AGBL4: variants seen among roughly 807,000 people sequenced by gnomAD.
AGBL4 encodes the protein AGBL carboxypeptidase 4.
A neutral mutation model predicts 66.4 loss-of-function variants in AGBL4; 58 were observed. That is an observed-to-expected ratio of 0.87 (90% CI 0.71 to 1.09). AGBL4 has a LOEUF of 1.09. Among genes scored for constraint, AGBL4 ranks in the 50% least tolerant of loss-of-function variants. The pLI is 0.00. For missense variants in AGBL4, 579 were observed against 631.0 expected (o/e 0.92, Z 0.88); for synonymous variants, 234 against 222.9 (o/e 1.05, Z -0.44).
intron 3 of AGBL4, among the ~76,000 whole-genome samples, chr1:49,253,171 G>A (rs1329518705): frequency 1.3e-5 from 2 of 152,044 alleles, no homozygotes; most frequent in Non-Finnish European, 2.9e-5. Flanking sequence ...CATCTCACAA[G>A]CAATAACACA....
At chr1:49,354,223 T>C (rs908001778) in intron 3 of AGBL4, among the ~76,000 whole-genome samples, 2 of 152,256 alleles carry the variant, frequency 1.3e-5, no homozygotes, top group African/African-American at 4.8e-5. Context: ...GAGCAAGCAG[T>C]GTCTGAATAA....
intron 3 of AGBL4, among the ~76,000 whole-genome samples, chr1:49,579,689 CG>C (rs1449474611): frequency 2.0e-5 from 3 of 152,040 alleles, no homozygotes. Flanking sequence ...TTAGTAGAGA[CG>C]GGGTTTCACC....
At chr1:49,752,687 A>G (rs1470000921) in intron 2 of AGBL4, among the ~76,000 whole-genome samples, 1 of 152,072 alleles carries the variant, frequency 6.6e-6, no homozygotes, top group East Asian at 1.9e-4. Context: ...TCTCACTATT[A>G]TTGTGTGGTA....
At chr1:49,213,915 C>G (rs1253490665) in intron 4 of AGBL4, among the ~76,000 whole-genome samples, 2 of 152,118 alleles carry the variant, frequency 1.3e-5, no homozygotes, top group Non-Finnish European at 2.9e-5. Context: ...CCATAGCAGA[C>G]AGTTCCTGTG....
chr1:48,671,352 C>G (rs760660353), intron 6 of AGBL4, among the ~76,000 whole-genome samples: 1 of 152,252 alleles, frequency 6.6e-6, no homozygotes, highest in Non-Finnish European at 1.5e-5. Flanking sequence ...TCTGAGAAGT[C>G]AGACACTGTC....
intron 3 of AGBL4, among the ~76,000 whole-genome samples, chr1:49,333,230 A>C (rs12408156): frequency 0.44 from 66,489 of 152,046 alleles, 17,089 homozygotes; most frequent in Non-Finnish European, 0.58. Context: ...CTGTAATCCC[A>C]GTACTTTGGG....
intron 5 of AGBL4, among the ~76,000 whole-genome samples, chr1:48,953,547 G>A (rs1657176328): frequency 6.6e-6 from 1 of 152,184 alleles, no homozygotes; most frequent in Non-Finnish European, 1.5e-5. Context: ...AAGGACTCAT[G>A]AAGAAGAGTA....
At chr1:49,879,632 A>G (rs955043728) in intron 1 of AGBL4, among the ~76,000 whole-genome samples, 113 of 146,406 alleles carry the variant, frequency 7.7e-4, no homozygotes, top group Non-Finnish European at 1.4e-3. Flanking sequence ...TCTGACAATT[A>G]TGTGTCTTGG....
chr1:49,468,893 C>T (rs1193329749), intron 3 of AGBL4, among the ~76,000 whole-genome samples: 2 of 151,782 alleles, frequency 1.3e-5, no homozygotes, highest in Non-Finnish European at 2.9e-5. Context: ...TGTACACGTA[C>T]ATTTGTGAAA....
intron 5 of AGBL4, among the ~76,000 whole-genome samples, chr1:48,962,460 A>C (rs1658080135): frequency 6.6e-6 from 1 of 152,192 alleles, no homozygotes; most frequent in African/African-American, 2.4e-5. Context: ...GCTATGACTC[A>C]CAGGGACACG....
At chr1:49,170,447 T>G (rs1281546754) in intron 4 of AGBL4, among the ~76,000 whole-genome samples, 1 of 142,970 alleles carries the variant, frequency 7.0e-6, no homozygotes, top group Non-Finnish European at 1.5e-5. Context: ...AATATATATG[T>G]TTATATAATA....
At chr1:48,539,867 GCTGT>G (rs1405973255) in intron 11 of AGBL4, 129 bp from the exon 12 acceptor site, 2 of 535,796 alleles carry the variant, frequency 3.7e-6, no homozygotes, top group Non-Finnish European at 6.0e-6. Flanking sequence ...TTTTGTATGC[GCTGT>G]CTTTTTTGAT....
intron 9 of AGBL4, among the ~76,000 whole-genome samples, chr1:48,598,170 A>G (rs903993222): frequency 4.6e-5 from 7 of 152,212 alleles, no homozygotes; most frequent in Admixed American, 2.0e-4. Context: ...TATCCTATGT[A>G]CAGTAGAAAG....
intron 2 of AGBL4, among the ~76,000 whole-genome samples, chr1:49,720,176 G>C (rs112317791): frequency 6.6e-6 from 1 of 151,338 alleles, no homozygotes; most frequent in African/African-American, 2.5e-5. Flanking sequence ...ATATAAAAAT[G>C]CAAAATCCAA....
At chr1:49,989,834 A>G (rs1482150972) in intron 1 of AGBL4, among the ~76,000 whole-genome samples, 1 of 152,190 alleles carries the variant, frequency 6.6e-6, no homozygotes, top group East Asian at 1.9e-4. Flanking sequence ...TTATTTCCTT[A>G]CAGATACCAC....
intron 5 of AGBL4, among the ~76,000 whole-genome samples, chr1:49,011,978 A>G (rs373906423): frequency 1.3e-5 from 2 of 151,602 alleles, no homozygotes; most frequent in Non-Finnish European, 1.5e-5. Flanking sequence ...ACATATATAC[A>G]TATGTAATTA....
intron 9 of AGBL4, among the ~76,000 whole-genome samples, chr1:48,604,435 C>A (rs571070307): frequency 1.3e-5 from 2 of 152,162 alleles, no homozygotes; most frequent in South Asian, 4.1e-4. Context: ...TTGATTTTTT[C>A]TAAATATGGC....
chr1:48,888,349 G>C (rs1250365492), intron 5 of AGBL4, among the ~76,000 whole-genome samples: 1 of 152,058 alleles, frequency 6.6e-6, no homozygotes, highest in Non-Finnish European at 1.5e-5. Context: ...TCCAGCTCTG[G>C]GTATCCTTCT....
At chr1:49,388,595 T>G (rs114401165) in intron 3 of AGBL4, among the ~76,000 whole-genome samples, 1 of 152,174 alleles carries the variant, frequency 6.6e-6, no homozygotes, top group Non-Finnish European at 1.5e-5. Flanking sequence ...CATTATCCTA[T>G]GATTCTTGAT....
Sources: gnomAD v4.1 joint callset for allele counts (sites outside exome capture counted in the v4.1 genomes callset) on GRCh38, gnomAD v4.1.1 for gene constraint, MANE v1.5 for transcripts, NCBI Gene and HGNC (gene_info 2026-07-23, HGNC 2026-07-21) for gene names.